Variants in SEMA6A observed in about 807,000 individuals in gnomAD.
The protein encoded by SEMA6A is semaphorin-6A.
A neutral mutation model predicts 96.8 loss-of-function variants in SEMA6A; 25 were observed. The observed-to-expected ratio is 0.26, with a 90% CI of 0.19 to 0.36. The LOEUF (loss-of-function observed/expected upper bound fraction) is 0.36, where lower values mean the gene tolerates loss of function less well. Ranked by LOEUF, SEMA6A falls within the 10% of genes least tolerant of loss-of-function variation. The pLI, the probability that SEMA6A is intolerant of heterozygous loss-of-function variation, is 1.00. For synonymous variants in SEMA6A, 612 were observed against 518.0 expected, an observed-to-expected ratio of 1.18 and a Z score of -2.46; for missense variants, 1,363 against 1,323.1, an observed-to-expected ratio of 1.03 and a Z score of -0.47.
intron 7 of SEMA6A, among the ~76,000 whole-genome samples, chr5:116,491,424 ATTTTTTTT>A (rs5870704): frequency 6.7e-6 from 1 of 149,920 alleles, no homozygotes; most frequent in Admixed American, 6.7e-5. Flanking sequence ...TTTAAATTTA[ATTTTTTTT>A]TTTTACATTG....
At chr5:116,448,196 A>AAAAAAAAAAAAAT (rs780426357) in intron 18 of SEMA6A, among the ~76,000 whole-genome samples, 13 of 138,694 alleles carry the variant, frequency 9.4e-5, no homozygotes, top group African/African-American at 1.7e-4. Flanking sequence ...AAAAAAAAAA[A>AAAAAAAAAAAAAT]TTAGCCAGGC....
At chr5:116,480,073 T>C (rs1316601380) in intron 12 of SEMA6A, 49 bp downstream of exon 12, 1 of 1,590,018 alleles carries the variant, frequency 6.3e-7, no homozygotes, top group Non-Finnish European at 8.6e-7. Context: ...TTCTCCGACA[T>C]GAGATGAAGT....
intron 15 of SEMA6A, 62 bp downstream of exon 15, chr5:116,477,784 A>G: frequency 2.0e-6 from 3 of 1,519,588 alleles, no homozygotes; most frequent in Non-Finnish European, 2.7e-6. Context: ...AGCAAATCTT[A>G]CATCTAGAAT....
Position 116,475,454 on chromosome 5 carries a change from C to T in SEMA6A, c.1708+91G>A. ...TTTACGCATGCTTTAGTGTCAGCTGCACTCAGTTCCACATGTGAGCTGATG... is the reference window on the plus strand; with the variant it reads ...TTTACGCATGCTTTAGTGTCAGCTGTACTCAGTTCCACATGTGAGCTGATG... On this transcript the variant is annotated intron_variant, in intron 16 of 18. Transcript: ENST00000343348. The T allele has an allele frequency of 8.9e-6, 7 of 788,668 alleles. No homozygotes were observed. The South Asian group carries it at 1.3e-4, about 14-fold the overall frequency. 48.9% of individuals were successfully genotyped at this position (788,668 alleles called of 1,614,324 possible).
intron 1 of SEMA6A, among the ~76,000 whole-genome samples, chr5:116,553,193 T>G (rs752433605): frequency 1.9e-4 from 29 of 152,264 alleles, no homozygotes; most frequent in Non-Finnish European, 3.4e-4. Flanking sequence ...TGACTGTGTT[T>G]GGAAAGTTTT....
intron 5 of SEMA6A, 37 bp from the exon 6 acceptor site, chr5:116,495,551 T>C (rs1757552529): frequency 7.0e-7 from 1 of 1,431,626 alleles, no homozygotes; most frequent in African/African-American, 1.4e-5. Context: ...ATCATGTCCA[T>C]TCAGTACAGA....
intron 18 of SEMA6A, among the ~76,000 whole-genome samples, chr5:116,459,822 G>C (rs1003505678): frequency 7.9e-5 from 12 of 152,076 alleles, no homozygotes; most frequent in Non-Finnish European, 2.9e-5. Context: ...TAAACTGTAA[G>C]CTGTCTGAAT....
At chr5:116,458,119 C>A (rs924020723) in intron 18 of SEMA6A, among the ~76,000 whole-genome samples, 2 of 152,116 alleles carry the variant, frequency 1.3e-5, no homozygotes, top group Admixed American at 1.3e-4. Context: ...CTTGGTGAAA[C>A]TAGGCTATCA....
At chr5:116,507,202 G>T (rs901035509) in intron 1 of SEMA6A, among the ~76,000 whole-genome samples, 1 of 152,166 alleles carries the variant, frequency 6.6e-6, no homozygotes, top group African/African-American at 2.4e-5. Flanking sequence ...ATATCATCAG[G>T]TAGTTAACAT....
In SEMA6A at chr5:116,572,830, C is replaced by G. The variant is rs575836348; in HGVS notation, c.-39+1355G>C. On this transcript the variant is annotated intron_variant, in intron 1 of 18. Transcript: ENST00000343348. ...TCCGGCTTCCCTCAGACTGCACATG[C>G]TGAGCCCCAGTCCGGTCGTGCCTGC... Among the ~76,000 whole-genome samples the G allele has an allele frequency of 1.1e-4, 16 of 152,360 alleles. No homozygotes were observed. In the East Asian group the frequency reaches 3.1e-3, roughly 29 times the overall value.
chr5:116,513,188 C>T (rs569911137), intron 1 of SEMA6A, among the ~76,000 whole-genome samples: 4 of 152,092 alleles, frequency 2.6e-5, no homozygotes, highest in Admixed American at 1.3e-4. Context: ...AGTGTAATGG[C>T]GCGATCTCGG....
At chr5:116,536,132 G>A (rs1332021243) in intron 1 of SEMA6A, among the ~76,000 whole-genome samples, 1 of 152,138 alleles carries the variant, frequency 6.6e-6, no homozygotes, top group Non-Finnish European at 1.5e-5. Context: ...GGGCACAGAG[G>A]TGAAGCAGCA....
At chr5:116,466,020 T>A (rs1755711079) in intron 18 of SEMA6A, among the ~76,000 whole-genome samples, 1 of 118,288 alleles carries the variant, frequency 8.5e-6, no homozygotes, top group African/African-American at 3.4e-5. Context: ...GAGCAGGGAA[T>A]CCCTCAAACT....
intron 18 of SEMA6A, chr5:116,449,678 T>C (rs1175789137): frequency 1.9e-5 from 5 of 257,594 alleles, no homozygotes; most frequent in Non-Finnish European, 3.0e-5. Context: ...GTGGAAATGA[T>C]TGTCCTGTGA....
intron 1 of SEMA6A, among the ~76,000 whole-genome samples, chr5:116,570,296 A>C (rs538699565): frequency 7.2e-5 from 11 of 152,318 alleles, no homozygotes; most frequent in South Asian, 2.1e-4. Context: ...TTCACGCTGA[A>C]ATAGAAATAT....
chr5:116,494,342 T>C (rs1417130565), intron 6 of SEMA6A, among the ~76,000 whole-genome samples: 3 of 152,186 alleles, frequency 2.0e-5, no homozygotes, highest in Non-Finnish European at 2.9e-5. Context: ...AGGTTAGGCA[T>C]TGCCTCATTC....
rs755457736 is a variant in SEMA6A at position 116,488,162 on chromosome 5, A to G, written c.690T>C (p.Asp230=). ...TTTCCCTGAAGAAGAAGTAGATATA[A>G]TCTCCGTAATCCACGGCTTGAACAA... ...PYFVQAVDYG[D]YIYFFFREIA... The change falls in exon 9 of 19, where the codon GAT becomes GAC. Residue 230 remains aspartate (D), a synonymous_variant. Transcript: ENST00000343348. The G allele has an allele frequency of 6.2e-7, 1 of 1,612,046 alleles. No homozygotes were observed. The highest frequency in any genetic ancestry group is 1.3e-5 in the African/African-American group (1 of 74,912).
intron 16 of SEMA6A, among the ~76,000 whole-genome samples, chr5:116,473,787 G>A (rs893105259): frequency 6.6e-6 from 1 of 152,142 alleles, no homozygotes; most frequent in African/African-American, 2.4e-5. Flanking sequence ...TCTAATAGAG[G>A]TAGTTCATGC....
chr5:116,470,307 C>T (rs1202505974), intron 17 of SEMA6A, among the ~76,000 whole-genome samples: 3 of 152,004 alleles, frequency 2.0e-5, no homozygotes, highest in African/African-American at 7.2e-5. Flanking sequence ...AATAATGCTA[C>T]AAAAATAGGC....
Sources: allele counts gnomAD v4.1 joint callset (sites outside exome capture counted in the v4.1 genomes callset), GRCh38; gene constraint gnomAD v4.1.1; transcripts MANE v1.5; gene names NCBI Gene and HGNC (gene_info 2026-07-23, HGNC 2026-07-21).